GSK3B: variants seen among roughly 807,000 people sequenced by gnomAD.
GSK3B encodes the protein glycogen synthase kinase-3 beta.
In GSK3B, 15 loss-of-function variants were observed where a neutral mutation model predicts 56.4. That is an observed-to-expected ratio of 0.27 (90% CI 0.18 to 0.41). GSK3B has a LOEUF of 0.41. Ranked by LOEUF, GSK3B falls within the 10% of genes least tolerant of loss-of-function variation. The pLI is 1.00. For synonymous variants in GSK3B, 181 were observed against 188.9 expected (o/e 0.96, Z 0.34); for missense variants, 300 against 513.4 (o/e 0.58, Z 4.02).
At chr3:120,072,407 G>C (rs573002324) in intron 1 of GSK3B, among the ~76,000 whole-genome samples, 1 of 151,932 alleles carries the variant, frequency 6.6e-6, no homozygotes, top group African/African-American at 2.4e-5. Flanking sequence ...CCATGGTAGA[G>C]AACAACCAGT....
chr3:119,976,119 T>C (rs191978830), intron 2 of GSK3B, among the ~76,000 whole-genome samples: 1 of 152,332 alleles, frequency 6.6e-6, no homozygotes, highest in African/African-American at 2.4e-5. Flanking sequence ...TGTTGGGGGA[T>C]TGCTGCTTTA....
At chr3:120,068,177 G>T (rs1019926814) in intron 1 of GSK3B, among the ~76,000 whole-genome samples, 2 of 151,956 alleles carry the variant, frequency 1.3e-5, no homozygotes, top group Admixed American at 1.3e-4. Flanking sequence ...TGGATCACAA[G>T]GTCAGGTGTT....
chr3:120,000,193 G>A (rs563684253), intron 2 of GSK3B, among the ~76,000 whole-genome samples: 1 of 152,134 alleles, frequency 6.6e-6, no homozygotes, highest in Admixed American at 6.5e-5. Context: ...ATGAGCAAAT[G>A]GAACAGTCTG....
At chr3:119,940,462 TATAC>T (rs769322433) in intron 3 of GSK3B, among the ~76,000 whole-genome samples, 1 of 152,064 alleles carries the variant, frequency 6.6e-6, no homozygotes, top group Non-Finnish European at 1.5e-5. Context: ...AATGAGTACA[TATAC>T]ATACATACAT....
At chr3:120,049,456 T>G (rs1336573045) in intron 1 of GSK3B, among the ~76,000 whole-genome samples, 3 of 152,168 alleles carry the variant, frequency 2.0e-5, no homozygotes, top group Non-Finnish European at 2.9e-5. Context: ...GAAGACTTCC[T>G]GGGAAGGTAG....
chr3:120,030,794 T>G (rs2107521214), intron 1 of GSK3B, among the ~76,000 whole-genome samples: 1 of 152,362 alleles, frequency 6.6e-6, no homozygotes, highest in South Asian at 2.1e-4. Flanking sequence ...TCAAAGCACT[T>G]AATCACAATT....
intron 1 of GSK3B, among the ~76,000 whole-genome samples, chr3:120,092,174 T>G (rs1436569261): frequency 6.6e-6 from 1 of 152,192 alleles, no homozygotes; most frequent in Non-Finnish European, 1.5e-5. Context: ...CCACATGAAC[T>G]TCTCCATAAA....
chr3:119,953,083 T>C (rs547376580), intron 2 of GSK3B, among the ~76,000 whole-genome samples: 41 of 152,288 alleles, frequency 2.7e-4, no homozygotes, highest in African/African-American at 8.7e-4. Context: ...AAAACAGTTA[T>C]AATGGAGCAC....
chr3:120,079,384 G>C (rs997986430), intron 1 of GSK3B, among the ~76,000 whole-genome samples: 5 of 144,304 alleles, frequency 3.5e-5, no homozygotes, highest in African/African-American at 1.3e-4. Context: ...ACTGCCACAA[G>C]TAGATACATA....
intron 3 of GSK3B, among the ~76,000 whole-genome samples, chr3:119,932,547 A>G (rs1328695195): frequency 1.3e-5 from 2 of 152,004 alleles, no homozygotes; most frequent in Non-Finnish European, 2.9e-5. Flanking sequence ...GCCAGAAGAA[A>G]ACATGGGTAT....
intron 1 of GSK3B, among the ~76,000 whole-genome samples, chr3:120,030,416 T>C (rs986262643): frequency 6.6e-6 from 1 of 152,218 alleles, no homozygotes; most frequent in Non-Finnish European, 1.5e-5. Context: ...CTCCCCACTT[T>C]GGAGTTACAC....
rs1491197380 is a variant in GSK3B at position 119,824,351 on chromosome 3, A to ACACG, written c.*2436_*2437insCGTG. The ACACG allele has an allele frequency of 3.1e-3, 669 of 215,402 alleles. 1 individual carries two copies. Among genetic ancestry groups the ACACG allele is most frequent in the African/African-American group, 0.015 (631 of 42,684 alleles). The allele number at this position is 215,402 out of a possible 1,614,324, so 13.3% of individuals were successfully genotyped here. A position where few individuals can be genotyped will look rare whatever the true frequency, so the allele number is the denominator to read the frequency against. ...TCAGCACACACACACACACACACACACGCACACATGCACACACAATGAAAT... is the reference window on the plus strand; with the variant it reads ...TCAGCACACACACACACACACACACACACGCGCACACATGCACACACAATGAAAT... On this transcript the variant is annotated 3_prime_UTR_variant, in exon 11 of 11. Transcript: ENST00000264235.
chr3:119,972,448 T>C (rs2057376013), intron 2 of GSK3B, among the ~76,000 whole-genome samples: 1 of 152,212 alleles, frequency 6.6e-6, no homozygotes, highest in African/African-American at 2.4e-5. Flanking sequence ...GTTTGTTTGT[T>C]TTTTTGAGAC....
rs117736775 is a variant in GSK3B at position 119,951,827 on chromosome 3, T to C, written c.283-4476A>G. Among the ~76,000 whole-genome samples, 132 of 151,798 alleles carry C rather than the reference T, an allele frequency of 8.7e-4. 4 individuals are homozygous for C. The East Asian group carries it at 0.023, about 27-fold the overall frequency. On this transcript the variant is annotated intron_variant, in intron 2 of 10. Transcript: ENST00000264235. The stretch of plus-strand genomic sequence containing the variant: ...TTTAAAAATTAAAGAAAAATGACAA[T>C]TGCACAACACAGAGAATCTCAATAA...
At chr3:120,009,916 A>T (rs1415296611) in intron 1 of GSK3B, among the ~76,000 whole-genome samples, 1 of 152,140 alleles carries the variant, frequency 6.6e-6, no homozygotes, top group African/African-American at 2.4e-5. Flanking sequence ...GCCAGGTGAA[A>T]TACAGGCAGT....
At chr3:119,920,083 G>C (rs1358639821) in intron 4 of GSK3B, among the ~76,000 whole-genome samples, 1 of 152,114 alleles carries the variant, frequency 6.6e-6, no homozygotes, top group African/African-American at 2.4e-5. Flanking sequence ...GAACTTCTTT[G>C]AACATACCTT....
chr3:119,899,887 TC>T (rs2056608951), intron 7 of GSK3B, among the ~76,000 whole-genome samples: 1 of 152,092 alleles, frequency 6.6e-6, no homozygotes, highest in East Asian at 1.9e-4. Flanking sequence ...CGGATAGGCA[TC>T]ATAAGAAATG....
At chr3:120,071,571 G>A (rs1293354848) in intron 1 of GSK3B, among the ~76,000 whole-genome samples, 1 of 152,124 alleles carries the variant, frequency 6.6e-6, no homozygotes, top group Non-Finnish European at 1.5e-5. Context: ...GAGGGATCTA[G>A]GTGCACATTC....
intron 7 of GSK3B, among the ~76,000 whole-genome samples, chr3:119,878,428 T>C (rs914597728): frequency 2.0e-5 from 3 of 151,992 alleles, no homozygotes; most frequent in Non-Finnish European, 4.4e-5. Context: ...ATATACCCAA[T>C]AAGAAGGCTA....
Sources: gnomAD v4.1 joint callset for allele counts (sites outside exome capture counted in the v4.1 genomes callset) on GRCh38, gnomAD v4.1.1 for gene constraint, MANE v1.5 for transcripts, NCBI Gene and HGNC (gene_info 2026-07-23, HGNC 2026-07-21) for gene names.